The following ANO2 variants were observed in gnomAD, a reference collection of about 807,000 sequenced individuals.
ANO2 encodes anoctamin 2, also known as anoctamin-2.
ANO2 carries 101 observed loss-of-function variants against 124.2 expected under a neutral mutation model. That is an observed-to-expected ratio of 0.81 (90% confidence interval 0.69 to 0.96). The LOEUF is 0.96. Among genes scored for constraint, ANO2 ranks in the 40% least tolerant of loss-of-function variants. The pLI, the probability that ANO2 is intolerant of heterozygous loss-of-function variation, is 0.00. For missense variants in ANO2, 1,293 were observed against 1,274.5 expected, an observed-to-expected ratio of 1.01 and a Z score of -0.22; for synonymous variants, 486 against 482.5, an observed-to-expected ratio of 1.01 and a Z score of -0.09.
chr12:5,771,334 C>T (rs932000957), intron 10 of ANO2, among the ~76,000 whole-genome samples: 2 of 152,200 alleles, frequency 1.3e-5, no homozygotes, highest in South Asian at 2.1e-4. Context: ...AGACTCAAAG[C>T]TACCTAATTT....
intron 3 of ANO2, among the ~76,000 whole-genome samples, chr12:5,873,796 G>T (rs886308120): frequency 6.6e-6 from 1 of 152,202 alleles, no homozygotes; most frequent in Non-Finnish European, 1.5e-5. Flanking sequence ...GTGTTTTGCA[G>T]GAAAGCCTCA....
chr12:5,564,727 T>A (rs937175224), intron 24 of ANO2: 1 of 152,238 alleles, frequency 6.6e-6, no homozygotes, highest in Admixed American at 6.5e-5. Context: ...CAGCAGGGGA[T>A]GTCTGAGCGA....
intron 10 of ANO2, among the ~76,000 whole-genome samples, chr12:5,788,789 C>A (rs1460963762): frequency 6.6e-6 from 1 of 152,152 alleles, no homozygotes; most frequent in Non-Finnish European, 1.5e-5. Flanking sequence ...AAACTCCTGA[C>A]CTCAGGTGAT....
intron 20 of ANO2, among the ~76,000 whole-genome samples, chr12:5,598,094 C>T (rs947605420): frequency 3.3e-5 from 5 of 152,132 alleles, no homozygotes; most frequent in African/African-American, 9.7e-5. Context: ...TACTCCACTG[C>T]TAACAAACAC....
intron 7 of ANO2, among the ~76,000 whole-genome samples, chr12:5,808,927 C>G (rs1953292572): frequency 1.3e-5 from 2 of 152,124 alleles, no homozygotes; most frequent in Non-Finnish European, 2.9e-5. Flanking sequence ...TCTCCAGGCC[C>G]CACGTGGGAG....
At chr12:5,599,348 C>G in intron 20 of ANO2, 136 bp downstream of exon 20, 1 of 1,095,636 alleles carries the variant, frequency 9.1e-7, no homozygotes, top group Non-Finnish European at 1.3e-6. Context: ...GAAGGGAACA[C>G]TGAATAGCCA....
intron 3 of ANO2, among the ~76,000 whole-genome samples, chr12:5,880,479 A>C (rs183049715): frequency 6.6e-6 from 1 of 152,128 alleles, no homozygotes; most frequent in East Asian, 1.9e-4. Context: ...CTGATACTTC[A>C]ATGACAGATA....
At chr12:5,751,004 T>G (rs890793171) in intron 10 of ANO2, 34 bp from the exon 11 acceptor site, 2 of 1,556,640 alleles carry the variant, frequency 1.3e-6, no homozygotes, top group East Asian at 4.6e-5. Context: ...GAAACACATA[T>G]TAAGAACATC....
At chr12:5,766,331 C>G (rs1255333615) in intron 10 of ANO2, among the ~76,000 whole-genome samples, 1 of 152,132 alleles carries the variant, frequency 6.6e-6, no homozygotes, top group Non-Finnish European at 1.5e-5. Flanking sequence ...TGGATAAATG[C>G]ATTTTGGTAT....
At chr12:5,794,696 C>G (rs1952795626) in intron 10 of ANO2, among the ~76,000 whole-genome samples, 1 of 152,152 alleles carries the variant, frequency 6.6e-6, no homozygotes, top group Non-Finnish European at 1.5e-5. Flanking sequence ...ACATTTGTCT[C>G]CCTACATAAC....
At chr12:5,719,329 G>A (rs57964724) in intron 14 of ANO2, among the ~76,000 whole-genome samples, 102 of 152,250 alleles carry the variant, frequency 6.7e-4, no homozygotes, top group African/African-American at 2.4e-3. Flanking sequence ...ACTCACAGTT[G>A]GAGCTGCCCA....
chr12:5,922,959 A>C (rs1272327546), intron 1 of ANO2, among the ~76,000 whole-genome samples, 155 bp from the exon 2 acceptor site: 1 of 152,046 alleles, frequency 6.6e-6, no homozygotes, highest in Non-Finnish European at 1.5e-5. Flanking sequence ...CCAGGTTCAC[A>C]CTGACCACAA....
At chr12:5,649,818 ATT>A (rs1361429199) in intron 14 of ANO2, among the ~76,000 whole-genome samples, 63 of 138,054 alleles carry the variant, frequency 4.6e-4, no homozygotes, top group African/African-American at 1.6e-3. Flanking sequence ...GTGTGTGTGT[ATT>A]TTTTTAGTAA....
chr12:5,694,284 A>AGAGAGAGAGAGAGAG (rs55758114), intron 14 of ANO2, among the ~76,000 whole-genome samples: 11 of 150,810 alleles, frequency 7.3e-5, no homozygotes, highest in African/African-American at 1.5e-4. Context: ...AGAGAGAGAG[A>AGAGAGAGAGAGAGAG]ATAAAACAGA....
intron 20 of ANO2, among the ~76,000 whole-genome samples, chr12:5,580,333 T>A (rs995482398): frequency 2.0e-5 from 3 of 152,228 alleles, no homozygotes; most frequent in Non-Finnish European, 4.4e-5. Flanking sequence ...GTAATTTTAT[T>A]CTTATTGGAA....
intron 3 of ANO2, among the ~76,000 whole-genome samples, chr12:5,880,763 G>A (rs1938430189): frequency 6.7e-6 from 1 of 148,796 alleles, no homozygotes; most frequent in Non-Finnish European, 1.5e-5. Flanking sequence ...TGGGTGAATG[G>A]ATGAAAGGAC....
intron 13 of ANO2, among the ~76,000 whole-genome samples, chr12:5,736,705 T>C (rs2066838933): frequency 6.6e-6 from 1 of 152,122 alleles, no homozygotes; most frequent in South Asian, 2.1e-4. Flanking sequence ...AGATTAGCAA[T>C]CAGGACCCTC....
At chr12:5,869,053 A>G (rs12306527) in intron 3 of ANO2, among the ~76,000 whole-genome samples, 43,232 of 152,086 alleles carry the variant, frequency 0.28, 8,669 homozygotes, top group African/African-American at 0.57. Flanking sequence ...GGCTTGGAGC[A>G]GATGGAAGAC....
At chr12:5,613,078 G>A (rs183831523) in intron 17 of ANO2, 120 bp from the exon 18 acceptor site, 100 of 956,766 alleles carry the variant, frequency 1.0e-4, no homozygotes, top group South Asian at 2.2e-4. Flanking sequence ...TGGTCAGGGC[G>A]AGTGCTAGAT....
Sources: allele counts gnomAD v4.1 joint callset (sites outside exome capture counted in the v4.1 genomes callset), GRCh38; gene constraint gnomAD v4.1.1; transcripts MANE v1.5; gene names NCBI Gene and HGNC (gene_info 2026-07-23, HGNC 2026-07-21).